The following ANKRD22 variants were observed in gnomAD, a reference collection of about 807,000 sequenced individuals.
ANKRD22 encodes ankyrin repeat domain 22.
Under a neutral mutation model 25.7 loss-of-function variants are expected in ANKRD22, and 24 were observed. The observed-to-expected ratio is 0.93, with a 90% CI of 0.68 to 1.31. ANKRD22 has a LOEUF of 1.31. Ranked by LOEUF, ANKRD22 falls within the 50% of genes most tolerant of loss-of-function variation. The pLI, the probability that ANKRD22 is intolerant of heterozygous loss-of-function variation, is 0.00. For synonymous variants in ANKRD22, 84 were observed against 84.3 expected (o/e 1.00, Z 0.02); for missense variants, 214 against 227.1 (o/e 0.94, Z 0.37).
intron 4 of ANKRD22, among the ~76,000 whole-genome samples, chr10:88,823,792 C>A (rs1257220832): frequency 7.1e-6 from 1 of 141,816 alleles, no homozygotes; most frequent in African/African-American, 2.8e-5. Flanking sequence ...TGCGCCACTG[C>A]GCTCCAGCCT....
intron 1 of ANKRD22, among the ~76,000 whole-genome samples, chr10:88,833,615 T>C (rs1186691071): frequency 6.6e-6 from 1 of 152,226 alleles, no homozygotes; most frequent in Non-Finnish European, 1.5e-5. Flanking sequence ...AAGTGAACTA[T>C]GTTATACTCT....
chr10:88,850,342 T>G (rs1342949123), intron 1 of ANKRD22, among the ~76,000 whole-genome samples: 1 of 151,950 alleles, frequency 6.6e-6, no homozygotes, highest in Non-Finnish European at 1.5e-5. Flanking sequence ...ATGCAGAATC[T>G]TAGGTCCCAC....
Position 88,832,007 on chromosome 10 carries a change from T to A in ANKRD22, c.41A>T (p.Tyr14Phe), listed in dbSNP as rs767237871. ...LYSEPICQAAYQNDFGQVWRW... is the reference protein window; with the variant it reads ...LYSEPICQAAFQNDFGQVWRW... ...CCACACTTGTCCAAAGTCATTCTGA[T>A]AGGCTGCTTGGCAGATGGGCTGGGT... Residue 14 changes from tyrosine to phenylalanine, a missense_variant, in exon 2 of 6, where the codon TAT (tyrosine) becomes TTT (phenylalanine). Coordinates refer to ENST00000371930, the MANE Select transcript of ANKRD22 (RefSeq NM_144590.3). 4 of 1,611,394 alleles carry A rather than the reference T, an allele frequency of 2.5e-6. No homozygotes were observed. Among genetic ancestry groups the A allele is most frequent in the Middle Eastern group, 1.7e-4 (1 of 6,012 alleles).
intron 2 of ANKRD22, among the ~76,000 whole-genome samples, chr10:88,831,521 G>A (rs1211083206): frequency 1.3e-5 from 2 of 152,138 alleles, no homozygotes; most frequent in Non-Finnish European, 2.9e-5. Context: ...GAGAAAGAGG[G>A]GAGAGGAAGA....
Position 88,822,427 on chromosome 10 carries a change from A to G in ANKRD22, c.*514T>C, listed in dbSNP as rs1203012663. 6.6e-6 allele frequency: 1 copy of G among 152,502 alleles called. No homozygotes were observed. Among genetic ancestry groups the G allele is most frequent in the African/African-American group, 2.4e-5 (1 of 41,396 alleles). 9.4% of individuals were successfully genotyped at this position (152,502 alleles called of 1,614,324 possible). A position where few individuals can be genotyped will look rare whatever the true frequency, so the allele number is the denominator to read the frequency against. On this transcript the variant is annotated 3_prime_UTR_variant, in exon 6 of 6. Transcript: ENST00000371930. The stretch of plus-strand genomic sequence containing the variant: ...GGAGGAACAGTTTGTCTCCTAGGGC[A>G]TGACATAGACTGGACAGTCTTTTTA...
rs1336547623 is a variant in ANKRD22, at chr10:88,823,262, C to T, written c.498+18G>A. 5.0e-6 allele frequency: 8 copies of T among 1,596,084 alleles called. No homozygotes were observed. The highest frequency in any genetic ancestry group is 4.5e-5 in the East Asian group (2 of 44,786). On this transcript the variant is annotated intron_variant, in intron 5 of 5. Coordinates refer to ENST00000371930, the MANE Select transcript of ANKRD22 (RefSeq NM_144590.3). ...CTGCTGCTAGAGGAACCTCAGACCACGGTCCACCCTCCCTTACCTTATTCT... is the reference window on the plus strand; with the variant it reads ...CTGCTGCTAGAGGAACCTCAGACCATGGTCCACCCTCCCTTACCTTATTCT...
intron 1 of ANKRD22, among the ~76,000 whole-genome samples, chr10:88,844,288 C>T (rs758926700): frequency 1.6e-4 from 24 of 152,028 alleles, no homozygotes; most frequent in South Asian, 4.2e-4. Flanking sequence ...GCAAATGGGA[C>T]CAAGGAAAAT....
chr10:88,847,613 T>A (rs1359553715), intron 1 of ANKRD22, among the ~76,000 whole-genome samples: 1 of 152,080 alleles, frequency 6.6e-6, no homozygotes, highest in Non-Finnish European at 1.5e-5. Context: ...GTCCAATTTA[T>A]CCAAAAGCTT....
Position 88,851,644 on chromosome 10 carries a change from C to T in ANKRD22, c.-37G>A, listed in dbSNP as rs376167452. ...ACAGGCTTACTTCACCTCTACAGCT[C>T]CTTGAATCTTCTGGAGGTATTTCTG... On this transcript the variant is annotated 5_prime_UTR_variant, in exon 1 of 6. Coordinates refer to ENST00000371930, the MANE Select transcript of ANKRD22 (RefSeq NM_144590.3). 1.2e-5 allele frequency: 20 copies of T among 1,611,024 alleles called. No homozygotes were observed. The highest frequency in any genetic ancestry group is 2.7e-5 in the African/African-American group (2 of 74,822).
At chr10:88,849,487 T>C (rs1844083979) in intron 1 of ANKRD22, among the ~76,000 whole-genome samples, 1 of 152,144 alleles carries the variant, frequency 6.6e-6, no homozygotes, top group Non-Finnish European at 1.5e-5. Flanking sequence ...TCTCTTTGAA[T>C]GAGTAAACAC....
rs1843859594 is a variant in ANKRD22, at chr10:88,826,739, G to A, written c.322-624C>T. Among the ~76,000 whole-genome samples the A allele has an allele frequency of 2.0e-5, 3 of 152,210 alleles. 1 individual carries two copies. The highest frequency in any genetic ancestry group is 2.9e-5 in the Non-Finnish European group (2 of 68,014). On this transcript the variant is annotated intron_variant, in intron 3 of 5. Transcript: ENST00000371930. ...CTTTCCCTGACCCACCTGACCAGGT[G>A]AAATCCCTCTTTTTTAGCTATCCTA... is the stretch of plus-strand genomic sequence containing the variant.
At chr10:88,846,361 T>C (rs1017066837) in intron 1 of ANKRD22, among the ~76,000 whole-genome samples, 1 of 152,180 alleles carries the variant, frequency 6.6e-6, no homozygotes, top group Non-Finnish European at 1.5e-5. Flanking sequence ...GAAAATGTTT[T>C]ATATTTACAC....
At chr10:88,841,325 A>C (rs1254147327) in intron 1 of ANKRD22, among the ~76,000 whole-genome samples, 1 of 152,124 alleles carries the variant, frequency 6.6e-6, no homozygotes, top group East Asian at 1.9e-4. Flanking sequence ...GAGAGAAGGC[A>C]GTAGGGTGCC....
intron 1 of ANKRD22, among the ~76,000 whole-genome samples, chr10:88,833,130 C>T (rs1220731491): frequency 2.0e-5 from 3 of 152,168 alleles, no homozygotes; most frequent in African/African-American, 7.2e-5. Context: ...TGAGGCAGTG[C>T]TGAGAAGGAA....
rs186680621 is a variant in ANKRD22 at position 88,821,846 on chromosome 10, T to C, written c.*1095A>G. On this transcript the variant is annotated 3_prime_UTR_variant, in exon 6 of 6. Transcript: ENST00000371930. Reference sequence around the variant, plus strand: ...CAGTCATATTTTTAAAGTGAATTTATTTCTACTCTGTGTCATTCACAGAAG... The same window carrying C: ...CAGTCATATTTTTAAAGTGAATTTACTTCTACTCTGTGTCATTCACAGAAG... Among the ~76,000 whole-genome samples the C allele has an allele frequency of 2.1e-3, 325 of 152,350 alleles. 7 individuals carry two copies. Among genetic ancestry groups the C allele is most frequent in the Non-Finnish European group, 2.7e-3 (185 of 68,020 alleles).
chr10:88,849,336 A>G (rs1455630091), intron 1 of ANKRD22, among the ~76,000 whole-genome samples: 1 of 152,074 alleles, frequency 6.6e-6, no homozygotes, highest in Non-Finnish European at 1.5e-5. Context: ...TCTTTCCACT[A>G]AGGGAACAGG....
At chr10:88,845,276 T>C (rs1844037415) in intron 1 of ANKRD22, among the ~76,000 whole-genome samples, 1 of 152,136 alleles carries the variant, frequency 6.6e-6, no homozygotes, top group African/African-American at 2.4e-5. Flanking sequence ...TCCTTTAATA[T>C]TGCCTTCCTT....
intron 4 of ANKRD22, among the ~76,000 whole-genome samples, chr10:88,825,409 T>A (rs190587146): frequency 6.3e-4 from 96 of 152,372 alleles, no homozygotes; most frequent in Non-Finnish European, 1.2e-3. Flanking sequence ...AGTGAGCGGA[T>A]GCTGCTACTG....
In ANKRD22 at chr10:88,823,012, C is replaced by T; in HGVS notation, c.505G>A (p.Glu169Lys). 6.2e-7 allele frequency: 1 copy of T among 1,613,372 alleles called. No individual in the cohort carries two copies. The highest frequency in any genetic ancestry group is 8.5e-7 in the Non-Finnish European group (1 of 1,179,370). The change falls in exon 6 of 6, where the codon GAG becomes AAG. Residue 169 changes from glutamate to lysine, a missense_variant. Transcript: ENST00000371930. ...CTCCGTGCAATATCCAGTGAGCTCT[C>T]ACCATGCTGAGGGGGGAAAAATATA... ...ADPTIKNKHG[E>K]SSLDIARRLK...
Sources: allele counts gnomAD v4.1 joint callset (sites outside exome capture counted in the v4.1 genomes callset), GRCh38; gene constraint gnomAD v4.1.1; transcripts MANE v1.5; gene names NCBI Gene and HGNC (gene_info 2026-07-23, HGNC 2026-07-21).